MTHFD1L: variants seen among roughly 807,000 people sequenced by gnomAD.
The protein encoded by MTHFD1L is monofunctional C1-tetrahydrofolate synthase, mitochondrial.
Under a neutral mutation model 119.5 loss-of-function variants are expected in MTHFD1L, and 81 were observed. That is an observed-to-expected ratio of 0.68 (90% CI 0.57 to 0.82). MTHFD1L has a LOEUF of 0.82. Ranked by LOEUF, MTHFD1L falls within the 40% of genes least tolerant of loss-of-function variation. The pLI is 0.00. For synonymous variants in MTHFD1L, 430 were observed against 475.2 expected, an observed-to-expected ratio of 0.90 and a Z score of 1.24; for missense variants, 1,125 against 1,253.4, an observed-to-expected ratio of 0.90 and a Z score of 1.55.
intron 26 of MTHFD1L, among the ~76,000 whole-genome samples, chr6:151,046,652 G>A (rs1432465045): frequency 6.6e-6 from 1 of 151,768 alleles, no homozygotes; most frequent in Non-Finnish European, 1.5e-5. Context: ...AAAAGTATCT[G>A]GTGCTCATGG....
In MTHFD1L at chr6:150,874,340, C is replaced by T. The variant is rs138004778; in HGVS notation, c.228-1750C>T. Among the ~76,000 whole-genome samples, 272 of 152,328 alleles carry T rather than the reference C, an allele frequency of 1.8e-3. 1 individual carries two copies. Among genetic ancestry groups the T allele is most frequent in the African/African-American group, 6.3e-3 (261 of 41,576 alleles). ...ACCCAGTCCATCTGTTCCGGCCCAG[C>T]TGGCAGTAGAAAGACTGGTCCTGGT... On this transcript the variant is annotated intron_variant, in intron 1 of 27. Coordinates refer to ENST00000367321, the MANE Select transcript of MTHFD1L (RefSeq NM_015440.5).
chr6:151,068,639 A>G (rs1276882662), intron 26 of MTHFD1L, among the ~76,000 whole-genome samples: 2 of 152,152 alleles, frequency 1.3e-5, no homozygotes, highest in Admixed American at 6.6e-5. Flanking sequence ...ACATAGCCCA[A>G]TTACTTTTGA....
chr6:150,971,707 G>C (rs768652966), intron 19 of MTHFD1L, among the ~76,000 whole-genome samples: 1 of 152,172 alleles, frequency 6.6e-6, no homozygotes, highest in Non-Finnish European at 1.5e-5. Context: ...GGAAGTGACT[G>C]TATTCTCACA....
chr6:150,893,149 C>T (rs1022674416), intron 7 of MTHFD1L, among the ~76,000 whole-genome samples: 1 of 152,292 alleles, frequency 6.6e-6, no homozygotes, highest in East Asian at 1.9e-4. Flanking sequence ...ACTAAAGCCT[C>T]TGCCTCATGG....
intron 26 of MTHFD1L, among the ~76,000 whole-genome samples, chr6:151,059,466 C>T (rs1584360624): frequency 1.3e-5 from 2 of 152,034 alleles, no homozygotes; most frequent in Non-Finnish European, 2.9e-5. Flanking sequence ...TACGAGCCAC[C>T]GCACCTGGCC....
rs559348834 is a variant in MTHFD1L at position 151,068,809 on chromosome 6, A to G, written c.2848-23658A>G. Among the ~76,000 whole-genome samples the G allele has an allele frequency of 2.0e-5, 3 of 152,244 alleles. 1 individual carries two copies. The South Asian group carries it at 6.2e-4, about 32-fold the overall frequency. On this transcript the variant is annotated intron_variant, in intron 26 of 27. Coordinates refer to ENST00000367321, the MANE Select transcript of MTHFD1L (RefSeq NM_015440.5). ...GCACGAACTTTACCATTTTTCTGAC[A>G]CTCAGCACGGTCAGCAATGACACAT...
chr6:151,049,192 T>C (rs1260604752), intron 26 of MTHFD1L, among the ~76,000 whole-genome samples: 1 of 152,004 alleles, frequency 6.6e-6, no homozygotes, highest in Non-Finnish European at 1.5e-5. Context: ...CCCATCTCTA[T>C]TAAAAATACA....
chr6:150,903,205 T>C (rs1562348468), intron 7 of MTHFD1L, among the ~76,000 whole-genome samples: 1 of 47,792 alleles, frequency 2.1e-5, no homozygotes, highest in African/African-American at 9.3e-5. Flanking sequence ...GCTGCAAAAT[T>C]TTTTTTTTTT....
chr6:151,073,479 TAC>T (rs1187791404), intron 26 of MTHFD1L, among the ~76,000 whole-genome samples: 36 of 152,178 alleles, frequency 2.4e-4, no homozygotes, highest in Non-Finnish European at 3.5e-4. Flanking sequence ...TCTAGGAAAA[TAC>T]CACCTAAAAT....
intron 26 of MTHFD1L, among the ~76,000 whole-genome samples, chr6:151,063,535 A>G (rs1294150539): frequency 6.6e-6 from 1 of 152,210 alleles, no homozygotes; most frequent in Non-Finnish European, 1.5e-5. Flanking sequence ...TTAAACGCCC[A>G]TCTTTCTTTT....
At chr6:151,032,556 A>G (rs1313195377) in intron 24 of MTHFD1L, among the ~76,000 whole-genome samples, 4 of 152,346 alleles carry the variant, frequency 2.6e-5, no homozygotes, top group Non-Finnish European at 4.4e-5. Flanking sequence ...GGAGGGGACC[A>G]CCATCCAAAC....
intron 24 of MTHFD1L, among the ~76,000 whole-genome samples, chr6:151,024,266 G>A (rs984769863): frequency 5.3e-5 from 8 of 152,074 alleles, no homozygotes; most frequent in Admixed American, 1.3e-4. Context: ...TTGGCCAGGC[G>A]CGGCGGCTCA....
At chr6:151,029,877 C>G (rs948566363) in intron 24 of MTHFD1L, among the ~76,000 whole-genome samples, 56 of 152,236 alleles carry the variant, frequency 3.7e-4, no homozygotes, top group African/African-American at 1.3e-3. Context: ...TTACTTTGCT[C>G]CCATGTGAGT....
At chr6:151,099,534 C>T (rs1164634494) in intron 27 of MTHFD1L, 23 of 1,602,196 alleles carry the variant, frequency 1.4e-5, no homozygotes, top group Non-Finnish European at 9.3e-6. Context: ...TCTTGGCCGC[C>T]CTCAGACCCC....
chr6:151,065,385 C>T (rs996495442), intron 26 of MTHFD1L, among the ~76,000 whole-genome samples: 6 of 152,160 alleles, frequency 3.9e-5, no homozygotes, highest in Non-Finnish European at 5.9e-5. Flanking sequence ...GCCTTATGCT[C>T]GCTGTGTTTG....
intron 19 of MTHFD1L, among the ~76,000 whole-genome samples, chr6:150,968,846 C>CTT (rs145806257): frequency 4.6e-5 from 5 of 108,520 alleles, no homozygotes; most frequent in South Asian, 3.1e-4. Context: ...TTAAATAATT[C>CTT]TTTTTTTTTT....
At chr6:151,065,394 T>A (rs1278087430) in intron 26 of MTHFD1L, among the ~76,000 whole-genome samples, 1 of 152,214 alleles carries the variant, frequency 6.6e-6, no homozygotes, top group Non-Finnish European at 1.5e-5. Context: ...TCGCTGTGTT[T>A]GTCAGAACTC....
chr6:150,921,040 C>T (rs2128893584), intron 9 of MTHFD1L, among the ~76,000 whole-genome samples: 1 of 149,808 alleles, frequency 6.7e-6, no homozygotes, highest in South Asian at 2.1e-4. Flanking sequence ...CAACCTCCAT[C>T]TCCCGGGCTC....
chr6:151,082,840 A>G (rs1354178501), intron 26 of MTHFD1L, among the ~76,000 whole-genome samples: 3 of 152,228 alleles, frequency 2.0e-5, no homozygotes, highest in African/African-American at 7.2e-5. Flanking sequence ...AAAAGAAGTG[A>G]AGGCTGAGCG....
Sources: gnomAD v4.1 joint callset for allele counts (sites outside exome capture counted in the v4.1 genomes callset) on GRCh38, gnomAD v4.1.1 for gene constraint, MANE v1.5 for transcripts, NCBI Gene and HGNC (gene_info 2026-07-23, HGNC 2026-07-21) for gene names.